FECH: variants seen among roughly 807,000 people sequenced by gnomAD.
FECH encodes the protein ferrochelatase.
In FECH, 40 loss-of-function variants were observed where a neutral mutation model predicts 56.9. The ratio of observed to expected loss-of-function variants is 0.70; its 90% CI spans 0.55 to 0.92. FECH has a LOEUF of 0.92. Among genes scored for constraint, FECH ranks in the 40% least tolerant of loss-of-function variants. The pLI, the probability that FECH is intolerant of heterozygous loss-of-function variation, is 0.00. For missense variants in FECH, 431 were observed against 529.1 expected (o/e 0.81, Z 1.82); for synonymous variants, 175 against 198.6 (o/e 0.88, Z 1.00).
rs114818493 is a variant in FECH at position 57,585,661 on chromosome 18, G to A, written c.67+893C>T. Among the ~76,000 whole-genome samples, 615 of 152,294 alleles carry A rather than the reference G, an allele frequency of 4.0e-3. 1 individual carries two copies. The highest frequency in any genetic ancestry group is 0.014 in the African/African-American group (595 of 41,562). On this transcript the variant is annotated intron_variant, in intron 1 of 10. Coordinates refer to ENST00000262093, the MANE Select transcript of FECH (RefSeq NM_000140.5). ...TTCCCTCCACTCCAAGTAGGTGTCA[G>A]ACTGACGAACGTCTTAGAAAAATAT...
In FECH at chr18:57,544,696, T is replaced by C. The variant is rs1460780860; in HGVS notation, c.*6016A>G. Among the ~76,000 whole-genome samples, 3 of 152,258 alleles carry C rather than the reference T, an allele frequency of 2.0e-5. No individual in the cohort carries two copies. The highest frequency in any genetic ancestry group is 2.4e-5 in the African/African-American group (1 of 41,472). On this transcript the variant is annotated 3_prime_UTR_variant, in exon 11 of 11. Transcript: ENST00000262093. Reference sequence around the variant, plus strand: ...TAATAGTTTTCAAATAATGGAAGACTATTCAAGTGTTCAAGTGTTTGTGAA... The same window carrying C: ...TAATAGTTTTCAAATAATGGAAGACCATTCAAGTGTTCAAGTGTTTGTGAA...
intron 2 of FECH, among the ~76,000 whole-genome samples, chr18:57,576,579 G>A (rs12968109): frequency 0.25 from 38,719 of 151,970 alleles, 5,475 homozygotes; most frequent in African/African-American, 0.35. Flanking sequence ...AGCCACAGAC[G>A]GTATCAGTGT....
intron 4 of FECH, among the ~76,000 whole-genome samples, chr18:57,568,857 C>G (rs1426157721): frequency 6.6e-6 from 1 of 152,116 alleles, no homozygotes; most frequent in Non-Finnish European, 1.5e-5. Context: ...GATCATGAAC[C>G]CTGTGCCAAT....
At chr18:57,559,982 A>G (rs1185274143) in intron 6 of FECH, among the ~76,000 whole-genome samples, 2 of 152,220 alleles carry the variant, frequency 1.3e-5, no homozygotes, top group South Asian at 2.1e-4. Context: ...AGGTGCTGAA[A>G]TACCAGAACT....
In FECH at chr18:57,550,168, C is replaced by T. The variant is rs1467530314; in HGVS notation, c.*544G>A. 6.5e-6 allele frequency: 1 copy of T among 153,448 alleles called. No individual in the cohort carries two copies. The highest frequency in any genetic ancestry group is 1.5e-5 in the Non-Finnish European group (1 of 68,956). 9.5% of individuals were successfully genotyped at this position (153,448 alleles called of 1,614,324 possible). The stretch of plus-strand genomic sequence containing the variant: ...AGATGACCAATGAATGGTGGCCTCG[C>T]TGGCAAAAGCAGCCATTGCAGGTAA... On this transcript the variant is annotated 3_prime_UTR_variant, in exon 11 of 11. Transcript: ENST00000262093.
rs551827906 is a variant in FECH, at chr18:57,554,406, A to C, written c.931T>G (p.Leu311Val). 6.2e-7 allele frequency: 1 copy of C among 1,614,056 alleles called. No homozygotes were observed. The highest frequency in any genetic ancestry group is 8.5e-7 in the Non-Finnish European group (1 of 1,180,020). Residue 311 changes from leucine (L) to valine (V), a missense_variant, in exon 9 of 11, where the codon TTG becomes GTG. By Grantham distance (32) the Leu-to-Val change is conservative (BLOSUM62 1). Transcript: ENST00000262093. ...ATAGATTCGTCTGTTTGAGGACCCAACCAGGGCATTGGACCAACCTATGCG... is the reference window on the plus strand; with the variant it reads ...ATAGATTCGTCTGTTTGAGGACCCACCCAGGGCATTGGACCAACCTATGCG... ...WQSKVGPMPW[L>V]GPQTDESIKG...
chr18:57,575,265 G>A (rs574361280), intron 2 of FECH, among the ~76,000 whole-genome samples: 2 of 152,222 alleles, frequency 1.3e-5, no homozygotes, highest in South Asian at 4.2e-4. Context: ...AAAATAACCA[G>A]CCTGAAGTTT....
At position 57,569,860 on chromosome 18, in the gene FECH, G is replaced by T. The variant is rs531375353; in HGVS notation, c.463+1532C>A. Among the ~76,000 whole-genome samples, 12 of 151,016 alleles carry T rather than the reference G, an allele frequency of 7.9e-5. 1 individual carries two copies. The South Asian group carries it at 2.5e-3, about 32-fold the overall frequency. On this transcript the variant is annotated intron_variant, in intron 4 of 10. Transcript: ENST00000262093. ...ACCTTTTTTTTTTTTTTGAGACAGG[G>T]TCTCACTTTGTTTCCCAGGCTGGAA...
At chr18:57,551,718 G>A (rs2050800543) in intron 9 of FECH, among the ~76,000 whole-genome samples, 1 of 152,022 alleles carries the variant, frequency 6.6e-6, no homozygotes, top group African/African-American at 2.4e-5. Context: ...TTTTGCTAGT[G>A]CATAATTTTA....
intron 1 of FECH, among the ~76,000 whole-genome samples, chr18:57,584,093 T>A (rs1048795557): frequency 6.7e-6 from 1 of 150,358 alleles, no homozygotes; most frequent in African/African-American, 2.5e-5. Flanking sequence ...GGCAGGATAA[T>A]CCCTTGAACC....
At chr18:57,582,204 G>T (rs956186552) in intron 1 of FECH, among the ~76,000 whole-genome samples, 2 of 152,124 alleles carry the variant, frequency 1.3e-5, no homozygotes, top group African/African-American at 4.8e-5. Context: ...TTGACTGCTG[G>T]TACAAGTTTA....
intron 9 of FECH, among the ~76,000 whole-genome samples, chr18:57,552,648 C>G (rs1278841680): frequency 6.6e-6 from 1 of 152,114 alleles, no homozygotes; most frequent in Non-Finnish European, 1.5e-5. Context: ...GATCCACCTG[C>G]CTCGGATTCC....
chr18:57,582,781 G>A (rs2051303697), intron 1 of FECH, among the ~76,000 whole-genome samples: 1 of 151,520 alleles, frequency 6.6e-6, no homozygotes, highest in Non-Finnish European at 1.5e-5. Context: ...AAATTAGCCA[G>A]GCGTGGTGGC....
At position 57,548,259 on chromosome 18, in the gene FECH, A is replaced by C. The variant is rs531028064; in HGVS notation, c.*2453T>G. ...TAGCAAGACTCCATCTTAAAAAAAA[A>C]AAAAAACAAAACAAAACAATGAGTT... On this transcript the variant is annotated 3_prime_UTR_variant, in exon 11 of 11. Coordinates refer to ENST00000262093, the MANE Select transcript of FECH (RefSeq NM_000140.5). 1 of 151,802 alleles carries C rather than the reference A, an allele frequency of 6.6e-6. No individual in the cohort carries two copies. Among genetic ancestry groups the C allele is most frequent in the African/African-American group, 2.4e-5 (1 of 41,330 alleles). 9.4% of individuals were successfully genotyped at this position (151,802 alleles called of 1,614,324 possible). A position where few individuals can be genotyped will look rare whatever the true frequency, so the allele number is the denominator to read the frequency against.
Position 57,582,164 on chromosome 18 carries a change from C to T in FECH, c.68-1965G>A, listed in dbSNP as rs199857611. On this transcript the variant is annotated intron_variant, in intron 1 of 10. Coordinates refer to ENST00000262093, the MANE Select transcript of FECH (RefSeq NM_000140.5). Reference sequence around the variant, plus strand: ...TGAGATTGTATCGGATTCCATGGGGCATGAGAATGAAACCTTGGCATTCCA... The same window carrying T: ...TGAGATTGTATCGGATTCCATGGGGTATGAGAATGAAACCTTGGCATTCCA... 2.0e-4 allele frequency among the ~76,000 whole-genome samples: 31 copies of T among 152,284 alleles called. No homozygotes were observed. The East Asian group carries it at 3.3e-3, about 16-fold the overall frequency.
intron 9 of FECH, 128 bp downstream of exon 9, chr18:57,554,132 G>T: frequency 1.0e-6 from 1 of 975,272 alleles, no homozygotes. Flanking sequence ...TTATTCAGGA[G>T]AATGAGGACA....
intron 4 of FECH, 137 bp from the exon 5 acceptor site, chr18:57,566,718 T>G (rs2051021841): frequency 9.5e-7 from 1 of 1,048,604 alleles, no homozygotes; most frequent in African/African-American, 1.6e-5. Flanking sequence ...AAGGCAAGTT[T>G]AGCATATTCC....
intron 5 of FECH, among the ~76,000 whole-genome samples, chr18:57,565,138 T>C (rs1273368293): frequency 1.3e-5 from 2 of 152,260 alleles, no homozygotes; most frequent in Admixed American, 6.5e-5. Flanking sequence ...TCTTCTGTCA[T>C]GTAAATAACA....
intron 2 of FECH, among the ~76,000 whole-genome samples, chr18:57,579,267 A>ATGTGTG (rs1568154229): frequency 8.0e-5 from 10 of 125,486 alleles, no homozygotes; most frequent in African/African-American, 2.4e-4. Flanking sequence ...AAAGATATAT[A>ATGTGTG]TATATATGTG....
Sources: allele counts gnomAD v4.1 joint callset (sites outside exome capture counted in the v4.1 genomes callset), GRCh38; gene constraint gnomAD v4.1.1; transcripts MANE v1.5; gene names NCBI Gene and HGNC (gene_info 2026-07-23, HGNC 2026-07-21).